Variants in NCBP1 observed in about 807,000 individuals in gnomAD.
NCBP1 encodes the protein nuclear cap binding protein subunit 1, also known as nuclear cap-binding protein subunit 1.
In NCBP1, 16 loss-of-function variants were observed where a neutral mutation model predicts 111.7. The ratio of observed to expected loss-of-function variants is 0.14; its 90% CI spans 0.10 to 0.22. NCBP1 has a LOEUF of 0.22. Among genes scored for constraint, NCBP1 ranks in the 10% least tolerant of loss-of-function variants. The probability of loss-of-function intolerance (pLI) is 1.00; values close to 1 mark genes in which losing one functional copy is unlikely to be tolerated. For missense variants in NCBP1, 607 were observed against 957.5 expected (o/e 0.63, Z 4.83); for synonymous variants, 304 against 314.3 (o/e 0.97, Z 0.35).
At chr9:97,636,744 C>T (rs1827052967) in intron 1 of NCBP1, among the ~76,000 whole-genome samples, 1 of 148,168 alleles carries the variant, frequency 6.7e-6, no homozygotes, top group Non-Finnish European at 1.5e-5. Flanking sequence ...CAGCAGTGGA[C>T]AATATAAAGA....
chr9:97,669,743 C>T (rs759857871), intron 22 of NCBP1, 37 bp downstream of exon 22: 1 of 1,362,754 alleles, frequency 7.3e-7, no homozygotes, highest in Non-Finnish European at 1.1e-6. Flanking sequence ...TAACACTATT[C>T]TCAGCCACAA....
rs1467120013 is a variant in NCBP1, at chr9:97,671,136, C to T, written c.2310C>T (p.Phe770=). 1 of 1,613,756 alleles carries T rather than the reference C, an allele frequency of 6.2e-7. No individual in the cohort carries two copies. Residue 770 remains phenylalanine, a synonymous_variant, in exon 23 of 23, where the codon TTC becomes TTT. Transcript: ENST00000375147. ...TGGTGACCCTGGAGAACCTTCTCTT[C>T]ACTGCTGAATTAGACCCTCATATCT... ...QYMVTLENLL[F]TAELDPHILA...
intron 1 of NCBP1, among the ~76,000 whole-genome samples, chr9:97,638,061 C>T (rs1171704660): frequency 3.9e-5 from 6 of 152,152 alleles, no homozygotes; most frequent in Non-Finnish European, 8.8e-5. Flanking sequence ...GATACGTTTT[C>T]TTCAGGGTAC....
At chr9:97,659,021 G>T (rs1398227813) in intron 15 of NCBP1, among the ~76,000 whole-genome samples, 1 of 152,196 alleles carries the variant, frequency 6.6e-6, no homozygotes, top group African/African-American at 2.4e-5. Context: ...TTACTAAACT[G>T]AAAACGTGTA....
At chr9:97,647,471 G>C in intron 6 of NCBP1, 21 bp from the exon 7 acceptor site, 1 of 1,592,010 alleles carries the variant, frequency 6.3e-7, no homozygotes, top group Non-Finnish European at 8.6e-7. Context: ...CCTAAATGTA[G>C]ATTTTCATTT....
In NCBP1 at chr9:97,643,255, A is replaced by G. The variant is rs1475560734; in HGVS notation, c.276A>G (p.Leu92=). 4 of 1,612,176 alleles carry G rather than the reference A, an allele frequency of 2.5e-6. No homozygotes were observed. In the African/African-American group the frequency reaches 4.0e-5, roughly 16 times the overall value. Residue 92 remains leucine (L), a synonymous_variant, in exon 4 of 23, where the codon CTA becomes CTG. Coordinates refer to ENST00000375147, the MANE Select transcript of NCBP1 (RefSeq NM_002486.5). ...KLTIYTTLVG[L]LNARNYNFGG... ...CAATTTATACAACATTAGTTGGACT[A>G]CTGAATGCCAGGAATTACAATTTTG...
chr9:97,665,444 A>G (rs1461005238), intron 19 of NCBP1, among the ~76,000 whole-genome samples: 3 of 152,244 alleles, frequency 2.0e-5, no homozygotes. Flanking sequence ...AAGTCACACA[A>G]CTAAGTGCAG....
At chr9:97,647,926 T>C in intron 7 of NCBP1, 82 bp from the exon 8 acceptor site, 1 of 1,182,456 alleles carries the variant, frequency 8.5e-7, no homozygotes, top group South Asian at 1.5e-5. Flanking sequence ...TTGTATCCTG[T>C]ATTTTAAAGG....
chr9:97,669,779 G>A lies in NCBP1; in HGVS notation c.2259+73G>A, dbSNP rs372046096. On this transcript the variant is annotated intron_variant, in intron 22 of 22. Coordinates refer to ENST00000375147, the MANE Select transcript of NCBP1 (RefSeq NM_002486.5). ...AGATTTTTCATTAAAAAAAATCCTT[G>A]TCAAATTTGTTAGGAGGTTATATAG... 469 of 1,123,584 alleles carry A rather than the reference G, an allele frequency of 4.2e-4. 7 individuals are homozygous for A. In the South Asian group the frequency reaches 5.4e-3, roughly 13 times the overall value. 69.6% of individuals were successfully genotyped at this position (1,123,584 alleles called of 1,614,324 possible). A position where few individuals can be genotyped will look rare whatever the true frequency, so the allele number is the denominator to read the frequency against.
At chr9:97,636,617 C>T (rs978931391) in intron 1 of NCBP1, among the ~76,000 whole-genome samples, 1 of 116,226 alleles carries the variant, frequency 8.6e-6, no homozygotes, top group Non-Finnish European at 1.8e-5. Flanking sequence ...TATATAGAAG[C>T]AAGCATATGG....
At position 97,651,386 on chromosome 9, in the gene NCBP1, T is replaced by C. The variant is rs765745670; in HGVS notation, c.1059+13T>C. On this transcript the variant is annotated intron_variant, in intron 10 of 22. Transcript: ENST00000375147. ...CCACATAGTTGAGGTATGAATTCCA[T>C]GTGGAGCGTGTTTCTGAGTTTCAGA... The C allele has an allele frequency of 1.2e-5, 19 of 1,609,896 alleles. No individual in the cohort carries two copies. The highest frequency in any genetic ancestry group is 1.5e-5 in the Non-Finnish European group (18 of 1,177,858).
Position 97,671,379 on chromosome 9 carries a change from T to C in NCBP1, c.*180T>C. On this transcript the variant is annotated 3_prime_UTR_variant, in exon 23 of 23. Coordinates refer to ENST00000375147, the MANE Select transcript of NCBP1 (RefSeq NM_002486.5). ...TTAATTGCCCTGAAAAGCAAATACT[T>C]CCTAACGGCAGTAATGTGACTATGA... is the stretch of plus-strand genomic sequence containing the variant. 1.8e-6 allele frequency: 1 copy of C among 543,154 alleles called. No homozygotes were observed. Among genetic ancestry groups the C allele is most frequent in the Non-Finnish European group, 3.3e-6 (1 of 306,182 alleles). The allele number at this position is 543,154 out of a possible 1,614,324, so 33.6% of individuals were successfully genotyped here. A position where few individuals can be genotyped will look rare whatever the true frequency, so the allele number is the denominator to read the frequency against.
intron 10 of NCBP1, 25 bp from the exon 11 acceptor site, chr9:97,653,773 A>G (rs577865646): frequency 1.7e-5 from 27 of 1,575,028 alleles, no homozygotes; most frequent in Non-Finnish European, 2.2e-5. Context: ...GTTGGATTGA[A>G]TTGTGACTCA....
rs1587733347 is a variant in NCBP1 at position 97,672,867 on chromosome 9, G to A, written c.*1668G>A. On this transcript the variant is annotated 3_prime_UTR_variant, in exon 23 of 23. Transcript: ENST00000375147. ...ATATGGGCTGGGCGCAGTGGCTCAC[G>A]CCTGTAATCCCAGCACTTTGGGAGG... The A allele has an allele frequency of 1.3e-5, 2 of 153,308 alleles. No homozygotes were observed. Among genetic ancestry groups the A allele is most frequent in the East Asian group, 3.8e-4 (2 of 5,298 alleles). The allele number at this position is 153,308 out of a possible 1,614,324, so 9.5% of individuals were successfully genotyped here. A position where few individuals can be genotyped will look rare whatever the true frequency, so the allele number is the denominator to read the frequency against.
chr9:97,655,909 AC>A (rs573518501), intron 13 of NCBP1, 101 bp from the exon 14 acceptor site: 8 of 1,356,266 alleles, frequency 5.9e-6, no homozygotes, highest in African/African-American at 1.5e-5. Context: ...TTATAACTTA[AC>A]AAAACTTGTA....
At position 97,657,478 on chromosome 9, in the gene NCBP1, T is replaced by A. The variant is rs1587716721; in HGVS notation, c.1374-1162T>A. Reference sequence around the variant, plus strand: ...TTGGTGTGTCACTTCTAGAGGCACATGATTCCCACCACTGGTGATGTTAAT... The same window carrying A: ...TTGGTGTGTCACTTCTAGAGGCACAAGATTCCCACCACTGGTGATGTTAAT... On this transcript the variant is annotated intron_variant, in intron 14 of 22. Transcript: ENST00000375147. 1.3e-5 allele frequency among the ~76,000 whole-genome samples: 2 copies of A among 152,232 alleles called. 1 individual carries two copies. Among genetic ancestry groups the A allele is most frequent in the South Asian group, 4.1e-4 (2 of 4,834 alleles).
At chr9:97,645,999 G>A (rs188802350) in intron 6 of NCBP1, among the ~76,000 whole-genome samples, 2 of 152,282 alleles carry the variant, frequency 1.3e-5, no homozygotes, top group East Asian at 3.9e-4. Flanking sequence ...AAACACCCTA[G>A]TGCAATAGTT....
chr9:97,645,480 C>A, intron 5 of NCBP1, 131 bp from the exon 6 acceptor site: 2 of 960,112 alleles, frequency 2.1e-6, no homozygotes, highest in Non-Finnish European at 3.0e-6. Context: ...TCTAGAAATG[C>A]TCTGTATAAA....
intron 13 of NCBP1, 93 bp from the exon 14 acceptor site, chr9:97,655,917 TG>T (rs1240867295): frequency 6.5e-6 from 9 of 1,378,210 alleles, no homozygotes; most frequent in African/African-American, 1.5e-5. Flanking sequence ...TAACAAAACT[TG>T]TAAGTTGTTA....
Sources: allele counts gnomAD v4.1 joint callset (sites outside exome capture counted in the v4.1 genomes callset), GRCh38; gene constraint gnomAD v4.1.1; transcripts MANE v1.5; gene names NCBI Gene and HGNC (gene_info 2026-07-23, HGNC 2026-07-21).